DLEC1: variants seen among roughly 807,000 people sequenced by gnomAD.
The protein encoded by DLEC1 is deleted in lung and esophageal cancer protein 1.
A neutral mutation model predicts 198.1 loss-of-function variants in DLEC1; 146 were observed. That is an observed-to-expected ratio of 0.74 (90% CI 0.64 to 0.85). The LOEUF is 0.85. Among genes scored for constraint, DLEC1 ranks in the 40% least tolerant of loss-of-function variants. DLEC1 has a pLI of 0.00. For missense variants in DLEC1, 2,233 were observed against 2,220.0 expected (o/e 1.01, Z -0.12); for synonymous variants, 897 against 866.8 (o/e 1.03, Z -0.61).
intron 6 of DLEC1, among the ~76,000 whole-genome samples, chr3:38,081,880 C>T (rs1698038127): frequency 1.4e-5 from 2 of 142,548 alleles, no homozygotes; most frequent in African/African-American, 2.6e-5. Context: ...GGGCGGCTGG[C>T]CGGGCGGGGG....
rs1699924165 is a variant in DLEC1 at position 38,112,231 on chromosome 3, C to G, written c.3536C>G (p.Ser1179Cys). The G allele has an allele frequency of 6.2e-7, 1 of 1,614,074 alleles. No individual in the cohort carries two copies. Among genetic ancestry groups the G allele is most frequent in the African/African-American group, 1.3e-5 (1 of 74,928 alleles). Reference protein sequence around the residue: ...EQLDFMESMLSHGKGAAFFPH... With the variant: ...EQLDFMESMLCHGKGAAFFPH... ...CCAGATTTTATGGAGAGCATGCTATCCCACGGGAAAGGAGCTGCTTTCTTC... is the reference window on the plus strand; with the variant it reads ...CCAGATTTTATGGAGAGCATGCTATGCCACGGGAAAGGAGCTGCTTTCTTC... Residue 1179 changes from serine (S) to cysteine (C), a missense_variant, in exon 25 of 37, where the codon TCC (serine) becomes TGC (cysteine). By Grantham distance (112) the Ser-to-Cys change is moderately radical. Coordinates refer to ENST00000308059, the MANE Select transcript of DLEC1 (RefSeq NM_007335.4). This position sits in a 1 kb window ranked among gnomAD's most constrained non-coding sequence, Gnocchi z 4.8.
intron 6 of DLEC1, among the ~76,000 whole-genome samples, chr3:38,074,679 G>T (rs1234545809): frequency 6.6e-6 from 1 of 152,200 alleles, no homozygotes; most frequent in Non-Finnish European, 1.5e-5. Flanking sequence ...TGGAGGTCAG[G>T]TTCATGAAGC....
chr3:38,056,093 AC>A lies in DLEC1; in HGVS notation c.563-3648del, dbSNP rs1206234367. Among the ~76,000 whole-genome samples, 145 of 150,926 alleles carry A rather than the reference AC, an allele frequency of 9.6e-4. 2 individuals carry two copies. The highest frequency in any genetic ancestry group is 3.4e-3 in the African/African-American group (141 of 41,112). On this transcript the variant is annotated intron_variant, in intron 2 of 36. Coordinates refer to ENST00000308059, the MANE Select transcript of DLEC1 (RefSeq NM_007335.4). ...CACACACACACACACACACACACAC[AC>A]ACACACACACACACACACACACAAA... is the stretch of plus-strand genomic sequence containing the variant.
chr3:38,060,770 C>G (rs529167320), intron 3 of DLEC1, among the ~76,000 whole-genome samples: 1 of 152,056 alleles, frequency 6.6e-6, no homozygotes, highest in South Asian at 2.1e-4. Context: ...TCTTGGCTCA[C>G]CACAACCTCC....
chr3:38,052,961 C>T (rs1045954694), intron 2 of DLEC1, among the ~76,000 whole-genome samples: 36 of 152,332 alleles, frequency 2.4e-4, no homozygotes, highest in Admixed American at 9.1e-4. Context: ...GACTGGTTTT[C>T]GTATTTTTTT....
In DLEC1 at chr3:38,043,605, T is replaced by C. The variant is rs1159693779; in HGVS notation, c.412-1938T>C. Among the ~76,000 whole-genome samples the C allele has an allele frequency of 7.2e-5, 11 of 152,360 alleles. No homozygotes were observed. The East Asian group carries it at 1.9e-3, about 27-fold the overall frequency. ...GAGTTGATTTCACCTATTTGTATCC[T>C]TGCCAGGCCCCTCCTGCTAAACTGT... On this transcript the variant is annotated intron_variant, in intron 1 of 36. Transcript: ENST00000308059.
Position 38,086,304 on chromosome 3 carries a change from G to A in DLEC1, c.1499G>A (p.Cys500Tyr). 5 of 1,612,964 alleles carry A rather than the reference G, an allele frequency of 3.1e-6. No individual in the cohort carries two copies. The highest frequency in any genetic ancestry group is 4.2e-6 in the Non-Finnish European group (5 of 1,179,414). Reference protein sequence around the residue: ...IGGVKMTRFICKNVGFSVGRF... With the variant: ...IGGVKMTRFIYKNVGFSVGRF... ...GGAGTCAAGATGACCAGATTCATCT[G>A]CAAAAATGTGGGTTTCAGTGTTGGC... The change falls in exon 9 of 37, where the codon TGC (cysteine) becomes TAC (tyrosine). Residue 500 changes from cysteine to tyrosine, a missense_variant. Cys to Tyr is a radical substitution (Grantham distance 194). Transcript: ENST00000308059.
chr3:38,118,543 G>GT (rs1700303469), intron 33 of DLEC1, among the ~76,000 whole-genome samples: 1 of 152,214 alleles, frequency 6.6e-6, no homozygotes, highest in Non-Finnish European at 1.5e-5. Flanking sequence ...GTAGGGGAAG[G>GT]TCTTGGGAAT....
intron 16 of DLEC1, 69 bp downstream of exon 16, chr3:38,097,344 A>C: frequency 6.5e-7 from 1 of 1,542,874 alleles, no homozygotes. Context: ...CTTCAGAGTT[A>C]AAGGGGCTTA....
At chr3:38,092,752 T>C in intron 10 of DLEC1, 38 bp from the exon 11 acceptor site, 2 of 1,593,676 alleles carry the variant, frequency 1.3e-6, no homozygotes, top group Non-Finnish European at 1.7e-6. Flanking sequence ...TGGAAGCCCT[T>C]TAATGGGAGG....
Position 38,112,943 on chromosome 3 carries a change from G to A in DLEC1, c.3666+582G>A, listed in dbSNP as rs1054142960. Among the ~76,000 whole-genome samples the A allele has an allele frequency of 6.6e-6, 1 of 152,144 alleles. No homozygotes were observed. The highest frequency in any genetic ancestry group is 1.5e-5 in the Non-Finnish European group (1 of 68,034). On this transcript the variant is annotated intron_variant, in intron 25 of 36. Transcript: ENST00000308059. This position sits in a 1 kb window ranked among gnomAD's most constrained non-coding sequence, Gnocchi z 4.8. ...CCTACCGTTAAGTTGTTAAATAGAAGATTTTCATGAACTATTTAGTAAATT... is the reference window on the plus strand; with the variant it reads ...CCTACCGTTAAGTTGTTAAATAGAAAATTTTCATGAACTATTTAGTAAATT...
At chr3:38,061,564 T>C (rs372682654) in intron 3 of DLEC1, among the ~76,000 whole-genome samples, 2 of 152,216 alleles carry the variant, frequency 1.3e-5, no homozygotes, top group Admixed American at 6.5e-5. Context: ...AGCATGCTCA[T>C]GTATGGGGTA....
Position 38,082,419 on chromosome 3 carries a change from C to T in DLEC1, c.1174-1739C>T, listed in dbSNP as rs975613116. Among the ~76,000 whole-genome samples the T allele has an allele frequency of 5.0e-4, 76 of 151,648 alleles. 1 individual carries two copies. Among genetic ancestry groups the T allele is most frequent in the African/African-American group, 1.6e-3 (66 of 41,260 alleles). The stretch of plus-strand genomic sequence containing the variant: ...GGCGGCCGGGCAGAGGCTGCAATCT[C>T]GGCACTTTGGGAGGCCAAGGCAGGC... On this transcript the variant is annotated intron_variant, in intron 6 of 36. Coordinates refer to ENST00000308059, the MANE Select transcript of DLEC1 (RefSeq NM_007335.4).
rs1698263344 is a variant in DLEC1 at position 38,084,401 on chromosome 3, AGTG to A, written c.1261+165_1261+167del. 2.3e-3 allele frequency among the ~76,000 whole-genome samples: 16 copies of A among 6,978 alleles called. 1 individual carries two copies. In the East Asian group the frequency reaches 0.04, roughly 17 times the overall value. 4.6% of individuals were successfully genotyped at this position (6,978 alleles called of 152,430 possible). On this transcript the variant is annotated intron_variant, in intron 7 of 36. Transcript: ENST00000308059. ...TGGTGGTAGTAGTGGTAGTAGTAGT[AGTG>A]GTGGTGGTAGTAGTAGTGGTAGTAG...
intron 18 of DLEC1, among the ~76,000 whole-genome samples, chr3:38,098,831 A>C (rs1282502858): frequency 6.6e-6 from 1 of 152,060 alleles, no homozygotes; most frequent in Non-Finnish European, 1.5e-5. Flanking sequence ...ATAGCTGGGC[A>C]CTCTGAAACC....
rs778390445 is a variant in DLEC1, at chr3:38,093,554, G to T, written c.1757-51G>T. 4.4e-6 allele frequency: 7 copies of T among 1,608,280 alleles called. No individual in the cohort carries two copies. In the East Asian group the frequency reaches 8.9e-5, roughly 21 times the overall value. Reference sequence around the variant, plus strand: ...ATGGGTCCTGCAGCAGCCTTGGCCTGATTTCAGCCCTAGTGAGCCTTCACT... The same window carrying T: ...ATGGGTCCTGCAGCAGCCTTGGCCTTATTTCAGCCCTAGTGAGCCTTCACT... On this transcript the variant is annotated intron_variant, in intron 11 of 36. Transcript: ENST00000308059.
rs773553621 is a variant in DLEC1, at chr3:38,096,587, G to A, written c.2190G>A (p.Leu730=). 10 of 1,611,868 alleles carry A rather than the reference G, an allele frequency of 6.2e-6. No individual in the cohort carries two copies. The highest frequency in any genetic ancestry group is 8.5e-6 in the Non-Finnish European group (10 of 1,179,816). ...TGTTTAGTTCAGAAGCGGAGAGCCT[G>A]GGGCACTCCTCCTACTCTGTGGATG... is the stretch of plus-strand genomic sequence containing the variant. ...PEPVSSEAES[L]GHSSYSVDDV... Residue 730 remains leucine, a synonymous_variant, in exon 15 of 37, where the codon CTG becomes CTA. Coordinates refer to ENST00000308059, the MANE Select transcript of DLEC1 (RefSeq NM_007335.4).
chr3:38,114,870 G>A (rs1700067855), intron 26 of DLEC1, 113 bp from the exon 27 acceptor site: 2 of 916,434 alleles, frequency 2.2e-6, no homozygotes, highest in East Asian at 5.0e-5. Flanking sequence ...CTCGAGTGAG[G>A]CCAGACCACT....
At position 38,074,950 on chromosome 3, in the gene DLEC1, T is replaced by C. The variant is rs1051174339; in HGVS notation, c.1174-9208T>C. Among the ~76,000 whole-genome samples, 10 of 152,094 alleles carry C rather than the reference T, an allele frequency of 6.6e-5. No individual in the cohort carries two copies. The East Asian group carries it at 1.9e-3, about 29-fold the overall frequency. The stretch of plus-strand genomic sequence containing the variant: ...CTCCAGCCACCTCTCTAAGAGGAAA[T>C]TGTTGGGCGGGTGGGGAAAAGCTAG... On this transcript the variant is annotated intron_variant, in intron 6 of 36. Coordinates refer to ENST00000308059, the MANE Select transcript of DLEC1 (RefSeq NM_007335.4).
Sources: allele counts gnomAD v4.1 joint callset (sites outside exome capture counted in the v4.1 genomes callset), GRCh38; gene constraint gnomAD v4.1.1; non-coding constraint Gnocchi (gnomAD v3.1); transcripts MANE v1.5; gene names NCBI Gene and HGNC (gene_info 2026-07-23, HGNC 2026-07-21).